Variants in DNM3 observed in about 807,000 individuals in gnomAD.
The protein encoded by DNM3 is dynamin-3.
DNM3 carries 47 observed loss-of-function variants against 101.6 expected under a neutral mutation model. The ratio of observed to expected loss-of-function variants is 0.46; its 90% CI spans 0.37 to 0.59. The LOEUF (loss-of-function observed/expected upper bound fraction) is 0.59. DNM3 is among the 20% of genes least tolerant of loss of function. The probability of loss-of-function intolerance (pLI) is 0.00; values close to 1 mark genes in which losing one functional copy is unlikely to be tolerated. For synonymous variants in DNM3, 385 were observed against 387.9 expected (o/e 0.99, Z 0.09); for missense variants, 849 against 1,085.7 (o/e 0.78, Z 3.06).
At chr1:172,339,185 C>A in intron 17 of DNM3, 2 of 326,138 alleles carry the variant, frequency 6.1e-6, no homozygotes, top group South Asian at 5.4e-5. Context: ...ATTTTACAGT[C>A]TACCTCTAAC....
chr1:172,080,844 G>A, intron 11 of DNM3, among the ~76,000 whole-genome samples: 1 of 152,152 alleles, frequency 6.6e-6, no homozygotes, highest in East Asian at 1.9e-4. Flanking sequence ...ATTCCTCACA[G>A]CACAGTCAGT....
At chr1:171,968,460 A>G (rs942476713) in intron 2 of DNM3, among the ~76,000 whole-genome samples, 2 of 152,222 alleles carry the variant, frequency 1.3e-5, no homozygotes, top group African/African-American at 4.8e-5. Flanking sequence ...CGGAAAACCA[A>G]AAAAGGCTGG....
chr1:172,022,130 CCA>C (rs2047891292), intron 4 of DNM3, among the ~76,000 whole-genome samples: 1 of 152,034 alleles, frequency 6.6e-6, no homozygotes, highest in African/African-American at 2.4e-5. Flanking sequence ...CAGTTTCATG[CCA>C]CACAGTCTGT....
chr1:171,962,934 G>A, intron 2 of DNM3, among the ~76,000 whole-genome samples: 1 of 152,140 alleles, frequency 6.6e-6, no homozygotes, highest in East Asian at 1.9e-4. Flanking sequence ...TTTGTTGCTG[G>A]TGGGAATGCA....
At chr1:172,273,694 TAAC>T (rs1381952974) in intron 15 of DNM3, among the ~76,000 whole-genome samples, 14 of 152,094 alleles carry the variant, frequency 9.2e-5, no homozygotes, top group African/African-American at 3.1e-4. Context: ...TGCCAGGTAA[TAAC>T]ATCATCACAT....
intron 15 of DNM3, among the ~76,000 whole-genome samples, chr1:172,284,138 T>C (rs1393758624): frequency 6.6e-6 from 1 of 152,206 alleles, no homozygotes; most frequent in East Asian, 1.9e-4. Flanking sequence ...TTTTAAAACA[T>C]GAAATCATTG....
At chr1:172,059,228 A>G (rs1414290184) in intron 10 of DNM3, among the ~76,000 whole-genome samples, 3 of 143,770 alleles carry the variant, frequency 2.1e-5, no homozygotes, top group Non-Finnish European at 3.0e-5. Flanking sequence ...AAAAGAGTCC[A>G]GGACCAGATG....
intron 13 of DNM3, among the ~76,000 whole-genome samples, chr1:172,098,529 G>C (rs2054407782): frequency 1.3e-5 from 2 of 152,134 alleles, no homozygotes; most frequent in South Asian, 4.1e-4. Context: ...ACAGGGTCCT[G>C]AGGTGACATA....
chr1:172,017,951 C>T (rs907814697), intron 4 of DNM3, among the ~76,000 whole-genome samples: 1 of 152,004 alleles, frequency 6.6e-6, no homozygotes, highest in Admixed American at 6.6e-5. Flanking sequence ...TTATATAATG[C>T]CCCTCTTTTC....
chr1:172,139,669 TACTC>T (rs1346748753), intron 14 of DNM3: 1 of 152,274 alleles, frequency 6.6e-6, no homozygotes, highest in Middle Eastern at 3.4e-3. Context: ...GGAAGGCTGT[TACTC>T]ACAGTGATGC....
intron 7 of DNM3, among the ~76,000 whole-genome samples, chr1:172,041,267 C>T (rs1235901027): frequency 1.3e-5 from 2 of 152,070 alleles, no homozygotes; most frequent in Non-Finnish European, 1.5e-5. Flanking sequence ...CAACTGGTGG[C>T]TCCCTGCAAC....
chr1:172,068,065 C>T (rs1228459628), intron 10 of DNM3, among the ~76,000 whole-genome samples: 4 of 152,198 alleles, frequency 2.6e-5, no homozygotes, highest in African/African-American at 7.2e-5. Flanking sequence ...TGGTGGCTCA[C>T]GCCTGTAATC....
chr1:172,366,783 G>A (rs139971391), intron 17 of DNM3: 1 of 151,416 alleles, frequency 6.6e-6, no homozygotes, highest in Non-Finnish European at 1.5e-5. Flanking sequence ...CCAAAAGAAA[G>A]AATTTTTAAA....
At chr1:171,901,132 G>A (rs72713731) in intron 1 of DNM3, among the ~76,000 whole-genome samples, 45,769 of 95,238 alleles carry the variant, frequency 0.48, 10,966 homozygotes, top group South Asian at 0.55. Context: ...AAAAAAAAAA[G>A]AAAGAAATCT....
At chr1:172,314,508 C>T (rs183126027) in intron 16 of DNM3, among the ~76,000 whole-genome samples, 51 of 152,278 alleles carry the variant, frequency 3.3e-4, no homozygotes, top group African/African-American at 1.1e-3. Flanking sequence ...ACAGACGGCA[C>T]CTGGAAAATC....
chr1:171,987,873 C>A, intron 3 of DNM3, 68 bp downstream of exon 3: 1 of 1,404,636 alleles, frequency 7.1e-7, no homozygotes, highest in Non-Finnish European at 9.4e-7. Context: ...TAACATACAT[C>A]ATTTGTACAG....
At chr1:172,396,051 C>T (rs911242224) in intron 20 of DNM3, among the ~76,000 whole-genome samples, 1 of 152,232 alleles carries the variant, frequency 6.6e-6, no homozygotes, top group African/African-American at 2.4e-5. Context: ...CCTCATGGCA[C>T]TTTTTGCCCT....
At chr1:172,153,866 G>A (rs924046098) in intron 14 of DNM3, among the ~76,000 whole-genome samples, 4 of 151,996 alleles carry the variant, frequency 2.6e-5, no homozygotes, top group Non-Finnish European at 4.4e-5. Context: ...TAAACATTAA[G>A]TGTCTTCAGA....
chr1:172,204,683 T>C (rs2060268382), intron 14 of DNM3, among the ~76,000 whole-genome samples: 2 of 152,140 alleles, frequency 1.3e-5, no homozygotes, highest in East Asian at 1.9e-4. Context: ...AAAAAAACAG[T>C]ATATTAAACT....
Sources: gnomAD v4.1 joint callset for allele counts (sites outside exome capture counted in the v4.1 genomes callset) on GRCh38, gnomAD v4.1.1 for gene constraint, MANE v1.5 for transcripts, NCBI Gene and HGNC (gene_info 2026-07-23, HGNC 2026-07-21) for gene names.